RHOF: variants seen among roughly 807,000 people sequenced by gnomAD.
RHOF encodes ras homolog family member F, filopodia associated, also known as rho-related GTP-binding protein RhoF.
RHOF carries 21 observed loss-of-function variants against 22.2 expected under a neutral mutation model. The ratio of observed to expected loss-of-function variants is 0.95; its 90% CI spans 0.67 to 1.36. The LOEUF is 1.36. RHOF is among the 40% of genes most tolerant of loss of function. The pLI, the probability that RHOF is intolerant of heterozygous loss-of-function variation, is 0.00. For missense variants in RHOF, 285 were observed against 293.7 expected (o/e 0.97, Z 0.22); for synonymous variants, 135 against 131.2 (o/e 1.03, Z -0.20).
Position 121,793,599 on chromosome 12 carries a change from GC to G in RHOF, c.34del (p.Ala12ProfsTer9). On this transcript the variant is annotated frameshift_variant, in exon 1 of 5. Coordinates refer to ENST00000267205, the MANE Select transcript of RHOF (RefSeq NM_019034.3). LOFTEE classifies it high-confidence loss of function. Reference protein sequence around the residue: ...DAPGALAQTAAPGPGRKELKI... With the variant: ...DAPGALAQTAXPGPGRKELKI... ...CAGCTCCTTCCTGCCCGGACCGGGG[GC>G]GGCGGTCTGGGCCAGGGCCCCGGGG... The G allele has an allele frequency of 1.9e-6, 3 of 1,551,252 alleles. No homozygotes were observed. Among genetic ancestry groups the G allele is most frequent in the Non-Finnish European group, 8.7e-7 (1 of 1,153,596 alleles).
At chr12:121,783,526 A>G (rs1428621056) in intron 2 of RHOF, among the ~76,000 whole-genome samples, 1 of 152,076 alleles carries the variant, frequency 6.6e-6, no homozygotes, top group Non-Finnish European at 1.5e-5. Context: ...CTTGTTGCCC[A>G]GGCTGGAGTG....
chr12:121,780,886 T>G lies in RHOF; in HGVS notation c.457A>C (p.Ile153Leu), dbSNP rs753705217. ...RKLRAAQLEP[I>L]TYMQGLSACE... is the part of the protein sequence containing the mutation. ...CCCCGGCCCACCTGCATGTAGGTGA[T>G]GGGCTCCAGCTGGGCGGCCCGGAGC... The change falls in exon 4 of 5, where the codon ATC becomes CTC. Residue 153 changes from isoleucine (I) to leucine (L), a missense_variant. Coordinates refer to ENST00000267205, the MANE Select transcript of RHOF (RefSeq NM_019034.3). 6.2e-7 allele frequency: 1 copy of G among 1,613,476 alleles called. No homozygotes were observed. Among genetic ancestry groups the G allele is most frequent in the Non-Finnish European group, 8.5e-7 (1 of 1,179,896 alleles).
rs776779100 is a variant in RHOF at position 121,780,963 on chromosome 12, A to G, written c.380T>C (p.Val127Ala). The stretch of plus-strand genomic sequence containing the variant: ...CAGGTCTGTCTTGCAGCCGATGAGC[A>G]CCATGGGGATCCCGCGGCAGAAATG... ...VTHFCRGIPMVLIGCKTDLRK... is the reference protein window; with the variant it reads ...VTHFCRGIPMALIGCKTDLRK... The change falls in exon 4 of 5, where the codon GTG (valine) becomes GCG (alanine). Residue 127 changes from valine (V) to alanine (A), a missense_variant. By Grantham distance (64) the Val-to-Ala change is moderately conservative. Transcript: ENST00000267205. The G allele has an allele frequency of 1.5e-5, 25 of 1,613,984 alleles. No homozygotes were observed. In the South Asian group the frequency reaches 2.7e-4, roughly 18 times the overall value.
At position 121,785,781 on chromosome 12, in the gene RHOF, T is replaced by A. The variant is rs143273551; in HGVS notation, c.227-4589A>T. On this transcript the variant is annotated intron_variant, in intron 2 of 4. Coordinates refer to ENST00000267205, the MANE Select transcript of RHOF (RefSeq NM_019034.3). Reference sequence around the variant, plus strand: ...GTGCCCGCCACCACACCAAGCTAATTTTTTGTACTTTTAGTAGAGACGGGG... The same window carrying A: ...GTGCCCGCCACCACACCAAGCTAATATTTTGTACTTTTAGTAGAGACGGGG... 5.2e-4 allele frequency among the ~76,000 whole-genome samples: 79 copies of A among 152,004 alleles called. 2 individuals carry two copies. In the East Asian group the frequency reaches 0.013, roughly 25 times the overall value.
At chr12:121,791,626 C>T (rs1874766758) in intron 2 of RHOF, among the ~76,000 whole-genome samples, 1 of 152,210 alleles carries the variant, frequency 6.6e-6, no homozygotes, top group Non-Finnish European at 1.5e-5. Flanking sequence ...TTGCAGCTTT[C>T]CAGAATCTCC....
intron 1 of RHOF, 47 bp downstream of exon 1, chr12:121,793,449 G>GT (rs1333043271): frequency 3.3e-6 from 5 of 1,534,546 alleles, no homozygotes; most frequent in Non-Finnish European, 4.4e-6. Flanking sequence ...TGGGCTCAGG[G>GT]TAAGGGGCGT....
chr12:121,781,912 G>A (rs1424622111), intron 2 of RHOF: 8 of 152,244 alleles, frequency 5.3e-5, no homozygotes, highest in Admixed American at 3.9e-4. Flanking sequence ...AGGCCGTGAC[G>A]CCTGGCTCCG....
At chr12:121,791,461 C>T (rs1389601573) in intron 2 of RHOF, among the ~76,000 whole-genome samples, 2 of 152,170 alleles carry the variant, frequency 1.3e-5, no homozygotes, top group Non-Finnish European at 2.9e-5. Flanking sequence ...GGGTCAAAGC[C>T]CAGATCTGAC....
At chr12:121,793,263 G>C in intron 1 of RHOF, 24 bp from the exon 2 acceptor site, 1 of 1,545,524 alleles carries the variant, frequency 6.5e-7, no homozygotes. Context: ...GGTCGGGTTG[G>C]TCCTTAGTGG....
intron 4 of RHOF, chr12:121,780,657 G>A (rs1874417007): frequency 1.7e-6 from 1 of 602,818 alleles, no homozygotes; most frequent in East Asian, 2.9e-5. Context: ...ACTGGGGGAT[G>A]TGAACAGCGC....
intron 4 of RHOF, 154 bp from the exon 5 acceptor site, chr12:121,779,816 G>T: frequency 1.3e-6 from 1 of 782,148 alleles, no homozygotes; most frequent in Non-Finnish European, 2.0e-6. Context: ...CCCTCACAGT[G>T]TGTGGGTGGA....
Position 121,793,688 on chromosome 12 carries a change from G to A in RHOF, c.-55C>T. The A allele has an allele frequency of 7.0e-7, 1 of 1,431,008 alleles. No homozygotes were observed. Among genetic ancestry groups the A allele is most frequent in the Non-Finnish European group, 9.1e-7 (1 of 1,098,982 alleles). The allele number at this position is 1,431,008 out of a possible 1,614,324, so 88.6% of individuals were successfully genotyped here. ...GCGCCGGGCACTAGCGGAGCCAAGAGGTCGGGGGCGGGGCGGGGCCGGAAC... is the reference window on the plus strand; with the variant it reads ...GCGCCGGGCACTAGCGGAGCCAAGAAGTCGGGGGCGGGGCGGGGCCGGAAC... On this transcript the variant is annotated 5_prime_UTR_variant, in exon 1 of 5. Transcript: ENST00000267205.
rs759059615 is a variant in RHOF at position 121,779,569 on chromosome 12, C to T, written c.565G>A (p.Ala189Thr). The T allele has an allele frequency of 8.7e-6, 14 of 1,613,948 alleles. No homozygotes were observed. Among genetic ancestry groups the T allele is most frequent in the East Asian group, 2.2e-5 (1 of 44,900 alleles). ...TTCAGAGCGCTGAGAGCCACCTTGG[C>T]GGCCTCCCGGAAGACGTCCTCCACA... is the stretch of plus-strand genomic sequence containing the variant. Reference protein sequence around the residue: ...ENVEDVFREAAKVALSALKKA... With the variant: ...ENVEDVFREATKVALSALKKA... Residue 189 changes from alanine to threonine, a missense_variant, in exon 5 of 5, where the codon GCC (alanine) becomes ACC (threonine). Physicochemically the swap from Ala to Thr is moderately conservative, Grantham distance 58 (BLOSUM62 0). Coordinates refer to ENST00000267205, the MANE Select transcript of RHOF (RefSeq NM_019034.3).
intron 2 of RHOF, among the ~76,000 whole-genome samples, chr12:121,791,755 G>C (rs1874770241): frequency 6.6e-6 from 1 of 152,244 alleles, no homozygotes; most frequent in Non-Finnish European, 1.5e-5. Context: ...GGACCTGATA[G>C]GGGAGGCCCT....
intron 2 of RHOF, among the ~76,000 whole-genome samples, chr12:121,790,719 T>C (rs1311698453): frequency 3.9e-5 from 6 of 152,182 alleles, no homozygotes; most frequent in African/African-American, 1.4e-4. Flanking sequence ...CCCTGAGCCC[T>C]GCTTCTCTGC....
At chr12:121,789,124 G>A (rs1874694131) in intron 2 of RHOF, among the ~76,000 whole-genome samples, 1 of 152,108 alleles carries the variant, frequency 6.6e-6, no homozygotes, top group African/African-American at 2.4e-5. Flanking sequence ...CAGCACTTTG[G>A]GAGGCTGACA....
At chr12:121,782,492 C>G (rs534153139) in intron 2 of RHOF, 1 of 152,094 alleles carries the variant, frequency 6.6e-6, no homozygotes, top group African/African-American at 2.4e-5. Flanking sequence ...GAACAAGGAA[C>G]GTGGAGGCCC....
At chr12:121,783,326 C>A (rs1295186138) in intron 2 of RHOF, among the ~76,000 whole-genome samples, 1 of 149,332 alleles carries the variant, frequency 6.7e-6, no homozygotes, top group Non-Finnish European at 1.5e-5. Flanking sequence ...GCCCCCCCCC[C>A]CACCTTTTCT....
rs1472483078 is a variant in RHOF at position 121,789,768 on chromosome 12, G to A, written c.226+3384C>T. Among the ~76,000 whole-genome samples the A allele has an allele frequency of 3.9e-5, 6 of 152,166 alleles. No individual in the cohort carries two copies. The East Asian group carries it at 1.2e-3, about 29-fold the overall frequency. ...GGCTCACAACACACATCTGTCCCTGGTTCCTTGTCTTAGCAAATCCTACTC... is the reference window on the plus strand; with the variant it reads ...GGCTCACAACACACATCTGTCCCTGATTCCTTGTCTTAGCAAATCCTACTC... On this transcript the variant is annotated intron_variant, in intron 2 of 4. Coordinates refer to ENST00000267205, the MANE Select transcript of RHOF (RefSeq NM_019034.3).
Sources: allele counts gnomAD v4.1 joint callset (sites outside exome capture counted in the v4.1 genomes callset), GRCh38; gene constraint gnomAD v4.1.1; transcripts MANE v1.5; gene names NCBI Gene and HGNC (gene_info 2026-07-23, HGNC 2026-07-21).